NRG1: variants seen among roughly 807,000 people sequenced by gnomAD.
NRG1 encodes the protein pro-neuregulin-1, membrane-bound isoform.
NRG1 carries 18 observed loss-of-function variants against 63.8 expected under a neutral mutation model. The observed-to-expected ratio is 0.28, with a 90% CI of 0.19 to 0.42. The LOEUF (loss-of-function observed/expected upper bound fraction) is 0.42, where lower values mean the gene tolerates loss of function less well. Ranked by LOEUF, NRG1 falls within the 10% of genes least tolerant of loss-of-function variation. The pLI is 1.00. For missense variants in NRG1, 762 were observed against 814.7 expected (o/e 0.94, Z 0.79); for synonymous variants, 302 against 301.3 (o/e 1.00, Z -0.02).
chr8:32,358,877 A>AAAAT (rs981207052), intron 1 of NRG1, among the ~76,000 whole-genome samples: 12 of 152,198 alleles, frequency 7.9e-5, no homozygotes, highest in African/African-American at 2.7e-4. Context: ...TGTTTCTTAA[A>AAAAT]AAATAAATAA....
chr8:32,463,274 G>A (rs1822561684), intron 1 of NRG1, among the ~76,000 whole-genome samples: 1 of 152,130 alleles, frequency 6.6e-6, no homozygotes, highest in Non-Finnish European at 1.5e-5. Context: ...GTGCAGATAT[G>A]TCCATGAGGT....
At chr8:32,061,954 A>G (rs1823946587) in intron 1 of NRG1, 1 of 152,110 alleles carries the variant, frequency 6.6e-6, no homozygotes. Flanking sequence ...GACAGAACAG[A>G]GTTCCTAGAA....
chr8:31,969,004 C>T (rs1426174453), intron 1 of NRG1, among the ~76,000 whole-genome samples: 10 of 152,168 alleles, frequency 6.6e-5, no homozygotes, highest in African/African-American at 1.2e-4. Flanking sequence ...TTTGAGCGCT[C>T]TCTCCGCTTC....
intron 1 of NRG1, among the ~76,000 whole-genome samples, chr8:32,464,230 A>G (rs57993062): frequency 0.45 from 67,605 of 148,808 alleles, 15,716 homozygotes; most frequent in Admixed American, 0.51. Flanking sequence ...AATGTCTGGT[A>G]TTTTTTTACA....
At chr8:31,690,806 A>T (rs1408073302) in intron 1 of NRG1, among the ~76,000 whole-genome samples, 2 of 152,196 alleles carry the variant, frequency 1.3e-5, no homozygotes, top group African/African-American at 2.4e-5. Context: ...TATGATGAGC[A>T]GGTTTGGTAG....
intron 1 of NRG1, among the ~76,000 whole-genome samples, chr8:31,778,171 G>A (rs1229480173): frequency 6.6e-6 from 1 of 152,130 alleles, no homozygotes; most frequent in Non-Finnish European, 1.5e-5. Context: ...ATTTATTCAT[G>A]TTGCCAGCTG....
At position 31,726,240 on chromosome 8, in the gene NRG1, CAAAT is replaced by C. The variant is rs1373828749; in HGVS notation, c.37+86813_37+86816del. 4.6e-5 allele frequency among the ~76,000 whole-genome samples: 7 copies of C among 151,852 alleles called. No individual in the cohort carries two copies. In the East Asian group the frequency reaches 1.2e-3, roughly 25 times the overall value. ...AATTGATATCTGTATATAAGTATAA[CAAAT>C]AAAGTTTTAAATACTGAAAATGAGA... On this transcript the variant is annotated intron_variant, in intron 1 of 10. Transcript: ENST00000519301.
At chr8:31,913,413 A>G (rs965213142) in intron 1 of NRG1, among the ~76,000 whole-genome samples, 2 of 152,200 alleles carry the variant, frequency 1.3e-5, no homozygotes, top group Admixed American at 1.3e-4. Flanking sequence ...TAAACCCCAA[A>G]TGAATATTTT....
At chr8:32,558,033 A>G (rs549046404) in intron 1 of NRG1, among the ~76,000 whole-genome samples, 1 of 152,342 alleles carries the variant, frequency 6.6e-6, no homozygotes, top group East Asian at 1.9e-4. Context: ...TGTTGTGCAT[A>G]TCATTTATGC....
chr8:31,912,843 G>T (rs182832218), intron 1 of NRG1, among the ~76,000 whole-genome samples: 2 of 152,104 alleles, frequency 1.3e-5, no homozygotes, highest in Admixed American at 6.5e-5. Context: ...TATTTTAAAT[G>T]GTTTTAAGCC....
intron 1 of NRG1, among the ~76,000 whole-genome samples, chr8:31,947,944 CAA>C (rs55953491): frequency 0.021 from 705 of 32,914 alleles, 5 homozygotes; most frequent in African/African-American, 0.058. Context: ...GACTCCATCT[CAA>C]AAAAAAAAAA....
intron 1 of NRG1, among the ~76,000 whole-genome samples, chr8:31,824,503 A>T (rs1824343254): frequency 6.6e-6 from 1 of 152,172 alleles, no homozygotes; most frequent in Non-Finnish European, 1.5e-5. Flanking sequence ...TTGCTCCTAC[A>T]TTCATACGCA....
chr8:32,771,705 T>TAAAAAAAA (rs1831806482), downstream of NRG1, among the ~76,000 whole-genome samples: 1 of 3,110 alleles, frequency 3.2e-4, no homozygotes, highest in Non-Finnish European at 2.6e-3. Context: ...TTCCATTTCT[T>TAAAAAAAA]TAAAAAAAAA....
At chr8:31,951,003 A>C (rs1204082375) in intron 1 of NRG1, among the ~76,000 whole-genome samples, 1 of 152,206 alleles carries the variant, frequency 6.6e-6, no homozygotes, top group African/African-American at 2.4e-5. Flanking sequence ...AATGCGGTGC[A>C]TTACATTCGG....
chr8:32,282,794 T>G (rs1028534781), intron 1 of NRG1, among the ~76,000 whole-genome samples: 1 of 152,236 alleles, frequency 6.6e-6, no homozygotes, highest in Non-Finnish European at 1.5e-5. Context: ...TAATTCCTAC[T>G]TATTTAAGAA....
chr8:32,662,421 A>C (rs2128876913), intron 5 of NRG1, among the ~76,000 whole-genome samples: 1 of 152,308 alleles, frequency 6.6e-6, no homozygotes, highest in Non-Finnish European at 1.5e-5. Flanking sequence ...TGATCAGGGA[A>C]GCATGCCATT....
At chr8:32,349,711 A>G (rs1445711483) in intron 1 of NRG1, among the ~76,000 whole-genome samples, 2 of 152,214 alleles carry the variant, frequency 1.3e-5, no homozygotes, top group East Asian at 3.9e-4. Flanking sequence ...AGGAATACAC[A>G]GGTAAGCCCT....
At chr8:32,082,243 T>C (rs1034517067) in intron 1 of NRG1, among the ~76,000 whole-genome samples, 2 of 151,444 alleles carry the variant, frequency 1.3e-5, no homozygotes, top group Non-Finnish European at 2.9e-5. Flanking sequence ...AGGGTACATA[T>C]GCAGATTTGT....
chr8:32,730,284 C>CA (rs1051316784), intron 6 of NRG1, among the ~76,000 whole-genome samples: 15 of 151,866 alleles, frequency 9.9e-5, no homozygotes, highest in Admixed American at 9.8e-4. Context: ...ACCATTGCTA[C>CA]AAAAAATACA....
Sources: allele counts gnomAD v4.1 joint callset (sites outside exome capture counted in the v4.1 genomes callset), GRCh38; gene constraint gnomAD v4.1.1; transcripts MANE v1.5; gene names NCBI Gene and HGNC (gene_info 2026-07-23, HGNC 2026-07-21).